Variants in CPA3 observed in about 807,000 individuals in gnomAD.
CPA3 encodes carboxypeptidase A3.
Under a neutral mutation model 55.8 loss-of-function variants are expected in CPA3, and 52 were observed. That is an observed-to-expected ratio of 0.93 (90% confidence interval 0.75 to 1.17). The LOEUF (loss-of-function observed/expected upper bound fraction) is 1.17, where lower values mean the gene tolerates loss of function less well. Among genes scored for constraint, CPA3 ranks in the 50% most tolerant of loss-of-function variants. The pLI is 0.00. For missense variants in CPA3, 547 were observed against 509.1 expected, an observed-to-expected ratio of 1.07 and a Z score of -0.72; for synonymous variants, 179 against 171.2, an observed-to-expected ratio of 1.05 and a Z score of -0.36.
chr3:148,886,415 C>T (rs1227062120), intron 10 of CPA3, among the ~76,000 whole-genome samples: 3 of 152,042 alleles, frequency 2.0e-5, no homozygotes, highest in South Asian at 2.1e-4. Context: ...ACAAGGTCAA[C>T]GGAAGCTATT....
At chr3:148,879,995 G>A (rs888806778) in intron 6 of CPA3, 106 bp downstream of exon 6, 4 of 713,402 alleles carry the variant, frequency 5.6e-6, no homozygotes, top group Admixed American at 2.4e-5. Context: ...AGCTAGAAGA[G>A]CCCATACTTG....
intron 10 of CPA3, among the ~76,000 whole-genome samples, chr3:148,891,513 T>C (rs9862683): frequency 0.012 from 1,425 of 120,440 alleles, 10 homozygotes; most frequent in Non-Finnish European, 0.017. Context: ...CACACACACA[T>C]ACACACACAC....
At chr3:148,878,619 A>G (rs781635243) in intron 4 of CPA3, 28 bp from the exon 5 acceptor site, 24 of 1,578,392 alleles carry the variant, frequency 1.5e-5, no homozygotes, top group Non-Finnish European at 2.0e-5. Flanking sequence ...TTTTATTCTA[A>G]TTTCTCAAAA....
At chr3:148,886,324 G>C (rs762520989) in intron 10 of CPA3, 147 bp downstream of exon 10, 1 of 614,174 alleles carries the variant, frequency 1.6e-6, no homozygotes, top group East Asian at 2.8e-5. Context: ...TGAATTATAC[G>C]TGAATCTAGG....
At chr3:148,894,232 G>T (rs1443532314) in intron 10 of CPA3, among the ~76,000 whole-genome samples, 1 of 152,126 alleles carries the variant, frequency 6.6e-6, no homozygotes, top group Non-Finnish European at 1.5e-5. Flanking sequence ...AAAGTGGGAA[G>T]GGAAAAAGGA....
chr3:148,883,730 T>A lies in CPA3; in HGVS notation c.896T>A (p.Val299Asp). The A allele has an allele frequency of 6.2e-7, 1 of 1,613,980 alleles. No homozygotes were observed. The part of the protein sequence containing the change: ...FIRSHLNEIK[V>D]YITFHSYSQM... ...AGAAGCCACCTGAATGAAATCAAGG[T>A]TTACATCACCTTCCATTCCTACTCC... Residue 299 changes from valine (V) to aspartate (D), a missense_variant, in exon 9 of 11, where the codon GTT (valine) becomes GAT (aspartate). By Grantham distance (152) the Val-to-Asp change is radical. Coordinates refer to ENST00000296046, the MANE Select transcript of CPA3 (RefSeq NM_001870.4).
intron 3 of CPA3, among the ~76,000 whole-genome samples, chr3:148,876,549 G>A (rs1313317248): frequency 2.0e-5 from 3 of 151,948 alleles, no homozygotes; most frequent in Non-Finnish European, 4.4e-5. Context: ...GCTAACTTTT[G>A]TATTTTTAGT....
intron 3 of CPA3, among the ~76,000 whole-genome samples, chr3:148,871,143 C>T (rs1448221916): frequency 2.6e-5 from 4 of 152,136 alleles, no homozygotes; most frequent in Non-Finnish European, 5.9e-5. Context: ...GTGATCCACT[C>T]ACCTCGGCCT....
intron 10 of CPA3, among the ~76,000 whole-genome samples, chr3:148,891,000 G>A (rs1714649773): frequency 6.6e-6 from 1 of 152,112 alleles, no homozygotes. Context: ...ATATAGAGTG[G>A]CACATAGGTA....
intron 10 of CPA3, among the ~76,000 whole-genome samples, chr3:148,889,928 C>T (rs1714625085): frequency 1.3e-5 from 2 of 150,322 alleles, no homozygotes; most frequent in African/African-American, 4.9e-5. Flanking sequence ...ATGATTATAC[C>T]CCCAGCCCCC....
At chr3:148,885,951 G>A in intron 9 of CPA3, 142 bp from the exon 10 acceptor site, 1 of 646,386 alleles carries the variant, frequency 1.5e-6, no homozygotes, top group Non-Finnish European at 2.7e-6. Flanking sequence ...GTTGTTATGA[G>A]TCTTGAAACT....
chr3:148,888,305 A>C (rs188204917), intron 10 of CPA3, among the ~76,000 whole-genome samples: 235 of 152,370 alleles, frequency 1.5e-3, no homozygotes, highest in Admixed American at 3.1e-3. Flanking sequence ...CTGGAAAATG[A>C]CTAAAAAATG....
intron 10 of CPA3, among the ~76,000 whole-genome samples, chr3:148,895,042 C>CTCTA (rs1322461743): frequency 6.6e-6 from 1 of 152,164 alleles, no homozygotes; most frequent in Non-Finnish European, 1.5e-5. Flanking sequence ...AATGTGGTGA[C>CTCTA]TCTACCCTAG....
chr3:148,896,901 C>A lies in CPA3; in HGVS notation c.*194C>A, dbSNP rs1468440790. ...CATAACGAAGTAGCTTTAAGTGAAA[C>A]CTTTTAACTACCTTTCTTTGCTCCA... is the stretch of plus-strand genomic sequence containing the variant. On this transcript the variant is annotated 3_prime_UTR_variant, in exon 11 of 11. Coordinates refer to ENST00000296046, the MANE Select transcript of CPA3 (RefSeq NM_001870.4). The A allele has an allele frequency of 2.4e-5, 10 of 417,632 alleles. No homozygotes were observed. The highest frequency in any genetic ancestry group is 3.8e-5 in the Non-Finnish European group (9 of 238,920). The allele number at this position is 417,632 out of a possible 1,614,324, so 25.9% of individuals were successfully genotyped here. A position where few individuals can be genotyped will look rare whatever the true frequency, so the allele number is the denominator to read the frequency against.
intron 2 of CPA3, 107 bp from the exon 3 acceptor site, chr3:148,868,808 G>T: frequency 1.6e-6 from 2 of 1,277,680 alleles, no homozygotes; most frequent in Non-Finnish European, 2.1e-6. Context: ...TCTTAGTTAT[G>T]CTGAGCCCCA....
intron 5 of CPA3, among the ~76,000 whole-genome samples, chr3:148,879,569 T>A (rs1239231379): frequency 1.3e-5 from 2 of 152,094 alleles, no homozygotes; most frequent in Non-Finnish European, 1.5e-5. Context: ...ACTAGAAAAA[T>A]TTTTTGAAAA....
In CPA3 at chr3:148,886,108, A is replaced by C; in HGVS notation, c.997A>C (p.Ile333Leu). 1 of 1,613,460 alleles carries C rather than the reference A, an allele frequency of 6.2e-7. No homozygotes were observed. The highest frequency in any genetic ancestry group is 8.5e-7 in the Non-Finnish European group (1 of 1,179,590). The change falls in exon 10 of 11, where the codon ATT (isoleucine) becomes CTT (leucine). Residue 333 changes from isoleucine (I) to leucine (L), a missense_variant. Ile to Leu is a conservative substitution (Grantham distance 5, BLOSUM62 2). Coordinates refer to ENST00000296046, the MANE Select transcript of CPA3 (RefSeq NM_001870.4). ...NHEDLAKVAK[I>L]GTDVLSTRYE... ...TTCTCTCCAGGCCAAAGTTGCAAAG[A>C]TTGGCACTGATGTTCTATCAACTCG...
chr3:148,885,900 A>T (rs1053773318), intron 9 of CPA3, among the ~76,000 whole-genome samples, 193 bp from the exon 10 acceptor site: 5 of 152,130 alleles, frequency 3.3e-5, no homozygotes, highest in East Asian at 3.8e-4. Flanking sequence ...CGGCTTCACC[A>T]GTTGCAACTA....
intron 10 of CPA3, among the ~76,000 whole-genome samples, chr3:148,890,524 G>C (rs1266687141): frequency 6.6e-6 from 1 of 151,984 alleles, no homozygotes; most frequent in Non-Finnish European, 1.5e-5. Context: ...GAAAAGTTAA[G>C]ACTTGTAGTT....
Sources: allele counts gnomAD v4.1 joint callset (sites outside exome capture counted in the v4.1 genomes callset), GRCh38; gene constraint gnomAD v4.1.1; transcripts MANE v1.5; gene names NCBI Gene and HGNC (gene_info 2026-07-23, HGNC 2026-07-21).